Variants in GRM8 observed in about 807,000 individuals in gnomAD.
The protein encoded by GRM8 is glutamate metabotropic receptor 8.
In GRM8, 47 loss-of-function variants were observed where a neutral mutation model predicts 87.2. The observed-to-expected ratio is 0.54, with a 90% CI of 0.43 to 0.69. The LOEUF is 0.69. Among genes scored for constraint, GRM8 ranks in the 30% least tolerant of loss-of-function variants. The probability of loss-of-function intolerance (pLI) is 0.00; values close to 1 mark genes in which losing one functional copy is unlikely to be tolerated. For missense variants in GRM8, 1,019 were observed against 1,139.2 expected (o/e 0.89, Z 1.52); for synonymous variants, 396 against 404.5 (o/e 0.98, Z 0.25).
intron 2 of GRM8, among the ~76,000 whole-genome samples, chr7:127,168,705 G>T (rs1307622595): frequency 1.3e-5 from 2 of 152,076 alleles, no homozygotes; most frequent in Non-Finnish European, 2.9e-5. Context: ...CATGTCTTTT[G>T]CAGGGACATG....
At chr7:126,515,944 T>G (rs17149893) in intron 9 of GRM8, among the ~76,000 whole-genome samples, 3,893 of 152,164 alleles carry the variant, frequency 0.026, 146 homozygotes, top group African/African-American at 0.085. Context: ...TTAACACAAC[T>G]ATTTACTGTT....
chr7:126,854,071 G>A (rs1290771406), intron 6 of GRM8, among the ~76,000 whole-genome samples: 1 of 152,080 alleles, frequency 6.6e-6, no homozygotes, highest in Non-Finnish European at 1.5e-5. Flanking sequence ...AAAGGGAACC[G>A]GGAAAACCAT....
At chr7:126,857,214 G>A (rs895814355) in intron 6 of GRM8, among the ~76,000 whole-genome samples, 5 of 152,116 alleles carry the variant, frequency 3.3e-5, no homozygotes, top group Admixed American at 1.3e-4. Flanking sequence ...GGGTATCTTT[G>A]CTTTTATTAA....
At chr7:126,594,228 C>T (rs576744132) in intron 8 of GRM8, among the ~76,000 whole-genome samples, 2 of 152,084 alleles carry the variant, frequency 1.3e-5, no homozygotes, top group African/African-American at 4.8e-5. Flanking sequence ...CTGGCCATCT[C>T]CTACTCGATA....
At chr7:126,802,638 T>C (rs1032446164) in intron 6 of GRM8, among the ~76,000 whole-genome samples, 1 of 152,206 alleles carries the variant, frequency 6.6e-6, no homozygotes, top group African/African-American at 2.4e-5. Flanking sequence ...ACCCCACACC[T>C]GTGATTTTTC....
intron 7 of GRM8, among the ~76,000 whole-genome samples, chr7:126,687,116 G>A (rs1407493430): frequency 6.6e-6 from 1 of 152,204 alleles, no homozygotes; most frequent in Non-Finnish European, 1.5e-5. Context: ...CACAGGTCAG[G>A]AGATGCAATA....
intron 9 of GRM8, among the ~76,000 whole-genome samples, chr7:126,518,391 T>C (rs943066699): frequency 3.9e-5 from 6 of 152,100 alleles, no homozygotes; most frequent in African/African-American, 9.7e-5. Context: ...CAAAATCTGA[T>C]ATACTGAGAG....
chr7:127,080,302 G>A lies in GRM8; in HGVS notation c.727+26194C>T, dbSNP rs116907692. The stretch of plus-strand genomic sequence containing the variant: ...TGGAAAACAGAGCAAAATAGATTAA[G>A]AAAGGAGCACAGCTCTGCTGAATAA... On this transcript the variant is annotated intron_variant, in intron 3 of 10. Coordinates refer to ENST00000339582, the MANE Select transcript of GRM8 (RefSeq NM_000845.3). 1.8e-3 allele frequency among the ~76,000 whole-genome samples: 277 copies of A among 152,344 alleles called. 2 individuals carry two copies. The highest frequency in any genetic ancestry group is 3.5e-3 in the Non-Finnish European group (236 of 68,034).
At chr7:126,445,697 A>T (rs1427408205) in intron 10 of GRM8, among the ~76,000 whole-genome samples, 1 of 152,038 alleles carries the variant, frequency 6.6e-6, no homozygotes, top group Admixed American at 6.6e-5. Flanking sequence ...AAAGGCACAA[A>T]TAACATCATT....
chr7:126,694,123 T>C (rs1177439565), intron 7 of GRM8, among the ~76,000 whole-genome samples: 5 of 151,768 alleles, frequency 3.3e-5, no homozygotes, highest in Non-Finnish European at 5.9e-5. Flanking sequence ...TATATATAGT[T>C]ATATTTATTA....
chr7:126,834,045 T>C (rs1212994420), intron 6 of GRM8, among the ~76,000 whole-genome samples: 2 of 152,102 alleles, frequency 1.3e-5, no homozygotes, highest in African/African-American at 4.8e-5. Context: ...CTGAAAGAAG[T>C]GTATTCAGAG....
intron 3 of GRM8, among the ~76,000 whole-genome samples, chr7:126,984,850 A>G (rs1415032348): frequency 6.6e-6 from 1 of 152,120 alleles, no homozygotes; most frequent in Non-Finnish European, 1.5e-5. Context: ...TATTTTTACC[A>G]TTTTACTTAG....
At chr7:126,998,104 T>G (rs1033728922) in intron 3 of GRM8, among the ~76,000 whole-genome samples, 4 of 151,502 alleles carry the variant, frequency 2.6e-5, no homozygotes, top group African/African-American at 9.7e-5. Flanking sequence ...TATCCCAGTT[T>G]CAACATATGC....
At chr7:126,999,686 A>G (rs773121164) in intron 3 of GRM8, among the ~76,000 whole-genome samples, 2 of 151,836 alleles carry the variant, frequency 1.3e-5, no homozygotes, top group Non-Finnish European at 2.9e-5. Context: ...CTGCAATGAT[A>G]TATCATCTCA....
chr7:127,078,190 C>T (rs568704932), intron 3 of GRM8, among the ~76,000 whole-genome samples: 10 of 152,222 alleles, frequency 6.6e-5, no homozygotes, highest in Non-Finnish European at 1.3e-4. Flanking sequence ...TTTCTTACTT[C>T]GGTTGCACTA....
At chr7:126,474,554 A>G (rs1012926827) in intron 9 of GRM8, among the ~76,000 whole-genome samples, 1 of 152,196 alleles carries the variant, frequency 6.6e-6, no homozygotes, top group Non-Finnish European at 1.5e-5. Flanking sequence ...AAGAGCCACC[A>G]TGCCCAACCT....
chr7:126,834,708 C>T (rs1490289365), intron 6 of GRM8, among the ~76,000 whole-genome samples: 3 of 152,140 alleles, frequency 2.0e-5, no homozygotes, highest in East Asian at 3.8e-4. Context: ...ATACTGAAAT[C>T]ACAAACTTCA....
chr7:126,653,302 A>AAAAAC, intron 7 of GRM8, among the ~76,000 whole-genome samples: 1 of 148,260 alleles, frequency 6.7e-6, no homozygotes, highest in Non-Finnish European at 1.5e-5. Flanking sequence ...CCTGTCTCCA[A>AAAAAC]AAAAAAAAAA....
intron 3 of GRM8, among the ~76,000 whole-genome samples, chr7:126,986,113 A>C (rs1234685819): frequency 6.6e-6 from 1 of 152,100 alleles, no homozygotes; most frequent in African/African-American, 2.4e-5. Flanking sequence ...TCCTGGGCTC[A>C]AGTGATCCTT....
Sources: allele counts gnomAD v4.1 joint callset (sites outside exome capture counted in the v4.1 genomes callset), GRCh38; gene constraint gnomAD v4.1.1; transcripts MANE v1.5; gene names NCBI Gene and HGNC (gene_info 2026-07-23, HGNC 2026-07-21).